ADAT1: variants seen among roughly 807,000 people sequenced by gnomAD.
The protein encoded by ADAT1 is tRNA-specific adenosine deaminase 1.
Under a neutral mutation model 58.6 loss-of-function variants are expected in ADAT1, and 58 were observed. That is an observed-to-expected ratio of 0.99 (90% CI 0.80 to 1.23). ADAT1 has a LOEUF of 1.23. Among genes scored for constraint, ADAT1 ranks in the 50% most tolerant of loss-of-function variants. The pLI is 0.00. For missense variants in ADAT1, 741 were observed against 608.6 expected (o/e 1.22, Z -2.29); for synonymous variants, 254 against 220.8 (o/e 1.15, Z -1.33).
In ADAT1 at chr16:75,600,087, A is replaced by G; in HGVS notation, c.*129T>C. 1 of 1,526,816 alleles carries G rather than the reference A, an allele frequency of 6.5e-7. No homozygotes were observed. Among genetic ancestry groups the G allele is most frequent in the Non-Finnish European group, 8.8e-7 (1 of 1,136,322 alleles). The allele number at this position is 1,526,816 out of a possible 1,614,324, so 94.6% of individuals were successfully genotyped here. On this transcript the variant is annotated 3_prime_UTR_variant, in exon 10 of 10. Coordinates refer to ENST00000564657, the MANE Select transcript of ADAT1 (RefSeq NM_001324445.2). Reference sequence around the variant, plus strand: ...CTAAGTTCCAGATTCCATCTGTATTACACAACAGAGATGCAAAGCTCAGAA... The same window carrying G: ...CTAAGTTCCAGATTCCATCTGTATTGCACAACAGAGATGCAAAGCTCAGAA...
intron 1 of ADAT1, among the ~76,000 whole-genome samples, chr16:75,621,213 G>T (rs1177213309): frequency 1.5e-5 from 2 of 136,530 alleles, no homozygotes; most frequent in African/African-American, 2.6e-5. Context: ...ACTGTATAAG[G>T]TTTATCTTTC....
chr16:75,618,668 A>G (rs1329377910), intron 3 of ADAT1, 28 bp from the exon 4 acceptor site: 4 of 1,612,054 alleles, frequency 2.5e-6, no homozygotes, highest in Non-Finnish European at 3.4e-6. Flanking sequence ...CACCAGGTGA[A>G]GACATATGGA....
intron 8 of ADAT1, among the ~76,000 whole-genome samples, chr16:75,604,502 C>T (rs1045585397): frequency 1.5e-5 from 2 of 133,286 alleles, no homozygotes; most frequent in East Asian, 2.2e-4. Context: ...CACACACACA[C>T]ACACACACAC....
chr16:75,605,482 T>C (rs149733842), intron 8 of ADAT1, among the ~76,000 whole-genome samples: 2 of 152,290 alleles, frequency 1.3e-5, no homozygotes, highest in East Asian at 3.9e-4. Flanking sequence ...ATAATACGTG[T>C]TAATTGTTTA....
intron 8 of ADAT1, among the ~76,000 whole-genome samples, chr16:75,606,059 G>T (rs1010261420): frequency 6.7e-6 from 1 of 149,950 alleles, no homozygotes; most frequent in Non-Finnish European, 1.5e-5. Context: ...ATTGGGGGGG[G>T]GGTCTCATTT....
At chr16:75,608,044 G>A (rs1047465982) in intron 8 of ADAT1, among the ~76,000 whole-genome samples, 180 bp downstream of exon 8, 10 of 152,174 alleles carry the variant, frequency 6.6e-5, no homozygotes, top group Admixed American at 1.3e-4. Flanking sequence ...ACAAATCCAC[G>A]GAGACAGGAA....
rs1490288022 is a variant in ADAT1 at position 75,598,614 on chromosome 16, G to A, written c.*1602C>T. 6.6e-6 allele frequency among the ~76,000 whole-genome samples: 1 copy of A among 151,538 alleles called. No homozygotes were observed. Among genetic ancestry groups the A allele is most frequent in the African/African-American group, 2.4e-5 (1 of 41,152 alleles). On this transcript the variant is annotated 3_prime_UTR_variant, in exon 10 of 10. Coordinates refer to ENST00000564657, the MANE Select transcript of ADAT1 (RefSeq NM_001324445.2). Reference sequence around the variant, plus strand: ...ACTCACTGCAACCTCCGCCTCCCAGGTTCAAGTGATTCTCCTGCCTCAGCC... The same window carrying A: ...ACTCACTGCAACCTCCGCCTCCCAGATTCAAGTGATTCTCCTGCCTCAGCC...
chr16:75,617,406 T>G (rs1198831973), intron 4 of ADAT1, 134 bp from the exon 5 acceptor site: 1 of 931,570 alleles, frequency 1.1e-6, no homozygotes, highest in South Asian at 2.0e-5. Context: ...ATGAGAATGC[T>G]CTAGACCAGT....
intron 8 of ADAT1, among the ~76,000 whole-genome samples, chr16:75,605,517 G>A (rs886384376): frequency 1.3e-5 from 2 of 152,048 alleles, no homozygotes; most frequent in Admixed American, 6.6e-5. Context: ...GTCAACAATA[G>A]GCTTGATGTT....
intron 1 of ADAT1, among the ~76,000 whole-genome samples, chr16:75,621,338 G>A (rs1398556749): frequency 6.6e-6 from 1 of 151,828 alleles, no homozygotes; most frequent in East Asian, 2.0e-4. Context: ...ATGTTTCTCA[G>A]CAGTTACGTG....
intron 3 of ADAT1, chr16:75,619,576 G>A (rs2081861532): frequency 2.2e-6 from 1 of 453,632 alleles, no homozygotes; most frequent in Non-Finnish European, 4.4e-6. Context: ...AGATCTCTAA[G>A]GAATTTTCAT....
chr16:75,619,633 A>G (rs1224946725), intron 3 of ADAT1: 2 of 455,318 alleles, frequency 4.4e-6, no homozygotes, highest in African/African-American at 4.0e-5. Flanking sequence ...ATTGCTTACC[A>G]GGTGCGGTGG....
intron 8 of ADAT1, among the ~76,000 whole-genome samples, chr16:75,604,478 C>T (rs1373564215): frequency 0.023 from 1,310 of 56,230 alleles, 40 homozygotes; most frequent in East Asian, 0.15. Flanking sequence ...TATATATACA[C>T]ACACACACAC....
chr16:75,622,462 G>C lies in ADAT1; in HGVS notation c.-81C>G, dbSNP rs146345949. 6.6e-6 allele frequency: 1 copy of C among 152,082 alleles called. No individual in the cohort carries two copies. Among genetic ancestry groups the C allele is most frequent in the African/African-American group, 2.4e-5 (1 of 41,390 alleles). 9.4% of individuals were successfully genotyped at this position (152,082 alleles called of 1,614,324 possible). A position where few individuals can be genotyped will look rare whatever the true frequency, so the allele number is the denominator to read the frequency against. On this transcript the variant is annotated 5_prime_UTR_variant, in exon 1 of 10. Transcript: ENST00000564657. ...AGTTTATGAAGACCACCTGGCCATC[G>C]ACCTGAAATTAAACCAGAGGTGCAA...
At chr16:75,617,006 ACTACTTGTGG>A in intron 5 of ADAT1, 126 bp downstream of exon 5, 3 of 1,056,958 alleles carry the variant, frequency 2.8e-6, no homozygotes, top group Non-Finnish European at 4.1e-6. Context: ...AGGCACTGTC[ACTACTTGTGG>A]CTACTTGTGA....
intron 9 of ADAT1, chr16:75,601,803 A>G (rs2081238029): frequency 6.6e-6 from 1 of 152,236 alleles, no homozygotes; most frequent in South Asian, 2.1e-4. Flanking sequence ...TATAGAATAT[A>G]TGGAAACCCA....
intron 6 of ADAT1, among the ~76,000 whole-genome samples, chr16:75,611,941 C>G (rs1183325700): frequency 1.3e-5 from 2 of 151,846 alleles, no homozygotes; most frequent in Non-Finnish European, 2.9e-5. Flanking sequence ...GCCTGTAGTC[C>G]CAGCTACTCA....
At chr16:75,605,576 G>A (rs1597098135) in intron 8 of ADAT1, among the ~76,000 whole-genome samples, 1 of 151,944 alleles carries the variant, frequency 6.6e-6, no homozygotes, top group South Asian at 2.1e-4. Context: ...AAGGTGGGTC[G>A]GCACCACTAA....
At chr16:75,609,166 GATCCTTCTCCCTCA>G (rs1786962695) in intron 6 of ADAT1, among the ~76,000 whole-genome samples, 178 bp from the exon 7 acceptor site, 1 of 152,152 alleles carries the variant, frequency 6.6e-6, no homozygotes, top group Non-Finnish European at 1.5e-5. Context: ...GCTGGAAGAA[GATCCTTCTCCCTCA>G]ATCTGCAGGG....
Sources: allele counts gnomAD v4.1 joint callset (sites outside exome capture counted in the v4.1 genomes callset), GRCh38; gene constraint gnomAD v4.1.1; transcripts MANE v1.5; gene names NCBI Gene and HGNC (gene_info 2026-07-23, HGNC 2026-07-21).